SINHCAF: variants seen among roughly 807,000 people sequenced by gnomAD.
The protein encoded by SINHCAF is SIN3-HDAC complex associated factor.
In SINHCAF, 3 loss-of-function variants were observed where a neutral mutation model predicts 25.8. That is an observed-to-expected ratio of 0.12 (90% CI 0.05 to 0.30). The LOEUF is 0.30. Among genes scored for constraint, SINHCAF ranks in the 10% least tolerant of loss-of-function variants. SINHCAF has a pLI of 1.00. For missense variants in SINHCAF, 121 were observed against 262.3 expected (o/e 0.46, Z 3.72); for synonymous variants, 70 against 85.5 (o/e 0.82, Z 1.00).
At chr12:31,313,046 C>T (rs12579579) in intron 1 of SINHCAF, among the ~76,000 whole-genome samples, 9 of 151,918 alleles carry the variant, frequency 5.9e-5, no homozygotes, top group Non-Finnish European at 8.8e-5. Context: ...TTTTTTGAGA[C>T]GCAGTTTTGC....
chr12:31,294,892 T>C (rs575418892), intron 3 of SINHCAF, among the ~76,000 whole-genome samples: 1 of 152,262 alleles, frequency 6.6e-6, no homozygotes, highest in South Asian at 2.1e-4. Context: ...AGTACCAACC[T>C]GAGTTCAAAG....
intron 4 of SINHCAF, among the ~76,000 whole-genome samples, chr12:31,290,618 C>A (rs1440984695): frequency 6.6e-6 from 1 of 152,166 alleles, no homozygotes; most frequent in East Asian, 1.9e-4. Flanking sequence ...TAATTAACAT[C>A]AACAGACACC....
chr12:31,324,787 C>G lies in SINHCAF; in HGVS notation c.-21+1237G>C, dbSNP rs905406734. 10 of 360,732 alleles carry G rather than the reference C, an allele frequency of 2.8e-5. No individual in the cohort carries two copies. The highest frequency in any genetic ancestry group is 1.1e-4 in the Admixed American group (3 of 27,768). 22.3% of individuals were successfully genotyped at this position (360,732 alleles called of 1,614,324 possible). A position where few individuals can be genotyped will look rare whatever the true frequency, so the allele number is the denominator to read the frequency against. On this transcript the variant is annotated intron_variant, in intron 1 of 5. Coordinates refer to ENST00000337682, the MANE Select transcript of SINHCAF (RefSeq NM_001135812.2). The surrounding 1 kb of genome is among the most constrained non-coding windows in gnomAD (Gnocchi z 5.5). ...CGCCCCGAAGAGTCCGGAGCCTGGC[C>G]CCCCGACCCTCCCCTCGGGAGCAGG...
At chr12:31,305,695 A>ATT (rs1214659992) in intron 1 of SINHCAF, among the ~76,000 whole-genome samples, 38 of 143,496 alleles carry the variant, frequency 2.6e-4, no homozygotes, top group Non-Finnish European at 3.2e-4. Flanking sequence ...AATATAGGCC[A>ATT]ATTTTTTTTT....
intron 1 of SINHCAF, chr12:31,304,089 C>A (rs894651356): frequency 1.5e-5 from 2 of 133,520 alleles, no homozygotes; most frequent in Non-Finnish European, 3.1e-5. Context: ...CACCACACTA[C>A]AACCTAGGCG....
chr12:31,319,982 C>A (rs1939637798), intron 1 of SINHCAF, among the ~76,000 whole-genome samples: 1 of 152,308 alleles, frequency 6.6e-6, no homozygotes, highest in South Asian at 2.1e-4. Context: ...GGCCCTCCAT[C>A]AAATTTATTG....
intron 4 of SINHCAF, 82 bp from the exon 5 acceptor site, chr12:31,287,866 T>TG: frequency 2.1e-6 from 2 of 963,006 alleles, no homozygotes; most frequent in Non-Finnish European, 2.9e-6. Context: ...TAAGACACTG[T>TG]GAAAGAGTTG....
intron 1 of SINHCAF, among the ~76,000 whole-genome samples, chr12:31,313,559 T>C (rs564827000): frequency 1.3e-5 from 2 of 152,266 alleles, no homozygotes; most frequent in Non-Finnish European, 2.9e-5. Flanking sequence ...AATAAGTTGT[T>C]AATTTCCACA....
intron 4 of SINHCAF, among the ~76,000 whole-genome samples, chr12:31,293,557 A>C (rs1441133740): frequency 6.6e-6 from 1 of 152,208 alleles, no homozygotes; most frequent in East Asian, 1.9e-4. Flanking sequence ...GTCAATAAAG[A>C]CATCAGGGTG....
intron 5 of SINHCAF, among the ~76,000 whole-genome samples, chr12:31,285,454 C>CACACAT (rs1555110962): frequency 6.6e-6 from 1 of 151,040 alleles, no homozygotes; most frequent in African/African-American, 2.4e-5. Flanking sequence ...CACACACACA[C>CACACAT]ATAAATAAAT....
intron 1 of SINHCAF, among the ~76,000 whole-genome samples, chr12:31,317,223 C>A (rs1939528322): frequency 6.6e-6 from 1 of 152,090 alleles, no homozygotes; most frequent in Non-Finnish European, 1.5e-5. Context: ...TTCTGATATG[C>A]ACAAATTAGG....
chr12:31,282,517 G>C lies in SINHCAF; in HGVS notation c.*195C>G, dbSNP rs1335379136. 2.3e-6 allele frequency: 1 copy of C among 441,168 alleles called. No homozygotes were observed. The allele number at this position is 441,168 out of a possible 1,614,324, so 27.3% of individuals were successfully genotyped here. A position where few individuals can be genotyped will look rare whatever the true frequency, so the allele number is the denominator to read the frequency against. ...GGCACCTATAAACCCAGCTACTTGG[G>C]AGGCTGAGGCAGGAGAATCACTTGA... On this transcript the variant is annotated 3_prime_UTR_variant, in exon 6 of 6. Transcript: ENST00000337682.
In SINHCAF at chr12:31,288,277, G is replaced by A. The variant is rs546901287; in HGVS notation, c.356-493C>T. 3.3e-5 allele frequency among the ~76,000 whole-genome samples: 5 copies of A among 152,236 alleles called. No homozygotes were observed. The South Asian group carries it at 6.2e-4, about 19-fold the overall frequency. ...TCTCTCTAGCAAAGAACTAGGAAAA[G>A]GGCAGCCTAGCCAGACAGAAAACAT... On this transcript the variant is annotated intron_variant, in intron 4 of 5. Transcript: ENST00000337682.
chr12:31,307,228 AC>A (rs1939064655), intron 1 of SINHCAF, among the ~76,000 whole-genome samples: 1 of 152,186 alleles, frequency 6.6e-6, no homozygotes, highest in Non-Finnish European at 1.5e-5. Flanking sequence ...GTCCAAGTAT[AC>A]CGTCATTCTC....
chr12:31,319,056 C>A (rs1949534145), intron 1 of SINHCAF, among the ~76,000 whole-genome samples: 1 of 152,170 alleles, frequency 6.6e-6, no homozygotes, highest in African/African-American at 2.4e-5. Context: ...AGGAACTTAG[C>A]CTTTTCAGGG....
At chr12:31,298,309 C>G in intron 1 of SINHCAF, 85 bp from the exon 2 acceptor site, 3 of 1,524,904 alleles carry the variant, frequency 2.0e-6, no homozygotes, top group African/African-American at 1.4e-5. Context: ...CACCCCACCC[C>G]CAAGCAACTT....
At chr12:31,295,070 T>C (rs1255584211) in intron 3 of SINHCAF, among the ~76,000 whole-genome samples, 164 bp downstream of exon 3, 1 of 152,180 alleles carries the variant, frequency 6.6e-6, no homozygotes, top group Non-Finnish European at 1.5e-5. Context: ...GTTCTAAAGA[T>C]GCCAAAATGT....
intron 5 of SINHCAF, among the ~76,000 whole-genome samples, chr12:31,283,855 T>TACACACACACACACACACAC (rs57162055): frequency 1.3e-3 from 180 of 140,564 alleles, no homozygotes; most frequent in Non-Finnish European, 1.5e-3. Flanking sequence ...AGTTATCCAT[T>TACACACACACACACACACAC]ACACACACAC....
At chr12:31,321,174 CA>C (rs534052533) in intron 1 of SINHCAF, among the ~76,000 whole-genome samples, 35 of 152,116 alleles carry the variant, frequency 2.3e-4, no homozygotes, top group Admixed American at 5.2e-4. Context: ...ACTGGAGAAA[CA>C]AAAGACAACA....
Sources: gnomAD v4.1 joint callset for allele counts (sites outside exome capture counted in the v4.1 genomes callset) on GRCh38, gnomAD v4.1.1 for gene constraint, Gnocchi (gnomAD v3.1) non-coding constraint, MANE v1.5 for transcripts, NCBI Gene and HGNC (gene_info 2026-07-23, HGNC 2026-07-21) for gene names.